Variants in OCA2 observed in about 807,000 individuals in gnomAD.
OCA2 encodes the protein P protein.
Under a neutral mutation model 100.2 loss-of-function variants are expected in OCA2, and 77 were observed. That is an observed-to-expected ratio of 0.77 (90% CI 0.64 to 0.93). OCA2 has a LOEUF of 0.93. Among genes scored for constraint, OCA2 ranks in the 40% least tolerant of loss-of-function variants. OCA2 has a pLI of 0.00. For synonymous variants in OCA2, 432 were observed against 439.2 expected (o/e 0.98, Z 0.21); for missense variants, 1,062 against 1,089.1 (o/e 0.98, Z 0.35).
chr15:27,928,906 A>G (rs2039144160), intron 18 of OCA2, among the ~76,000 whole-genome samples: 1 of 152,198 alleles, frequency 6.6e-6, no homozygotes, highest in Non-Finnish European at 1.5e-5. Flanking sequence ...CCACCTGCAA[A>G]GTTCCTTGGC....
chr15:27,865,228 C>A (rs948651970), intron 21 of OCA2, among the ~76,000 whole-genome samples: 7 of 152,100 alleles, frequency 4.6e-5, no homozygotes, highest in Non-Finnish European at 8.8e-5. Flanking sequence ...CTGAAATGCC[C>A]CACACAGCTC....
intron 23 of OCA2, among the ~76,000 whole-genome samples, chr15:27,800,072 T>C (rs2033530432): frequency 6.6e-6 from 1 of 152,162 alleles, no homozygotes; most frequent in Admixed American, 6.5e-5. Flanking sequence ...TGCCCAAATA[T>C]TTGGAAAGTA....
chr15:27,921,379 TA>T (rs1263811557), intron 19 of OCA2, among the ~76,000 whole-genome samples: 3 of 152,070 alleles, frequency 2.0e-5, no homozygotes, highest in African/African-American at 7.2e-5. Flanking sequence ...AAAGACAAAA[TA>T]AAGGCATTCA....
intron 2 of OCA2, among the ~76,000 whole-genome samples, chr15:28,055,854 C>T (rs1056578470): frequency 6.6e-6 from 1 of 152,224 alleles, no homozygotes; most frequent in Non-Finnish European, 1.5e-5. Context: ...CCCCAGCTGA[C>T]CCCTGCTTCA....
chr15:27,948,632 A>G (rs1022683881), intron 18 of OCA2, among the ~76,000 whole-genome samples: 7 of 151,822 alleles, frequency 4.6e-5, no homozygotes, highest in Admixed American at 1.3e-4. Context: ...CACCCAGCTA[A>G]TTTTTGTATT....
chr15:27,788,470 T>A (rs1035407376), intron 23 of OCA2, among the ~76,000 whole-genome samples: 2 of 152,110 alleles, frequency 1.3e-5, no homozygotes, highest in Admixed American at 1.3e-4. Flanking sequence ...TCTAGTAGTA[T>A]TTTCTGTCTT....
chr15:28,014,571 C>G (rs2141225887), intron 9 of OCA2, among the ~76,000 whole-genome samples: 1 of 152,344 alleles, frequency 6.6e-6, no homozygotes, highest in Middle Eastern at 3.4e-3. Context: ...GTCCATCCTT[C>G]TCATGTCAGT....
At chr15:27,985,450 G>T (rs901671799) in intron 12 of OCA2, among the ~76,000 whole-genome samples, 2 of 152,098 alleles carry the variant, frequency 1.3e-5, no homozygotes, top group African/African-American at 4.8e-5. Flanking sequence ...TGGTTAATTT[G>T]TCACAAGGTG....
chr15:28,087,915 A>C (rs1360088030), intron 1 of OCA2, among the ~76,000 whole-genome samples: 1 of 152,116 alleles, frequency 6.6e-6, no homozygotes, highest in African/African-American at 2.4e-5. Context: ...TACAAAAAAT[A>C]GCCAGGCGTG....
intron 11 of OCA2, among the ~76,000 whole-genome samples, chr15:27,988,331 A>G (rs1230182091): frequency 6.6e-6 from 1 of 151,794 alleles, no homozygotes; most frequent in Non-Finnish European, 1.5e-5. Context: ...CCCAAAATTC[A>G]TATGTTCACC....
intron 19 of OCA2, among the ~76,000 whole-genome samples, chr15:27,901,524 A>G (rs1476988061): frequency 1.3e-5 from 2 of 152,218 alleles, no homozygotes; most frequent in Non-Finnish European, 2.9e-5. Flanking sequence ...TCAGGAGTTC[A>G]GCACACCCAT....
chr15:27,898,189 T>TG (rs1377359257), intron 19 of OCA2, among the ~76,000 whole-genome samples: 1 of 152,190 alleles, frequency 6.6e-6, no homozygotes, highest in Non-Finnish European at 1.5e-5. Flanking sequence ...GTTAAGACTT[T>TG]GGGGAACTGT....
intron 11 of OCA2, among the ~76,000 whole-genome samples, chr15:27,986,987 T>G (rs754940683): frequency 3.4e-4 from 51 of 152,222 alleles, no homozygotes; most frequent in Non-Finnish European, 6.8e-4. Context: ...CGAGGTGGGT[T>G]GCTCACAGCC....
At chr15:27,915,455 T>C (rs2038631367) in intron 19 of OCA2, among the ~76,000 whole-genome samples, 1 of 152,164 alleles carries the variant, frequency 6.6e-6, no homozygotes, top group Non-Finnish European at 1.5e-5. Context: ...TTTTGCACAC[T>C]ATGTATCTGA....
At chr15:27,798,357 T>C (rs2033438530) in intron 23 of OCA2, among the ~76,000 whole-genome samples, 1 of 152,216 alleles carries the variant, frequency 6.6e-6, no homozygotes, top group African/African-American at 2.4e-5. Context: ...TACCAACAAA[T>C]TCTACCGTAG....
At chr15:28,015,240 C>T (rs544618629) in intron 8 of OCA2, among the ~76,000 whole-genome samples, 2 of 152,176 alleles carry the variant, frequency 1.3e-5, no homozygotes, top group Admixed American at 6.5e-5. Flanking sequence ...CCAACATACC[C>T]GACCAGTTTA....
chr15:27,818,216 C>T (rs1260377336), intron 23 of OCA2, among the ~76,000 whole-genome samples: 2 of 152,026 alleles, frequency 1.3e-5, no homozygotes, highest in East Asian at 1.9e-4. Flanking sequence ...ATGGTGAAAC[C>T]CCATCTCTAC....
In OCA2 at chr15:27,851,435, C is replaced by T. The variant is rs1595516437; in HGVS notation, c.2285G>A (p.Gly762Asp). 1 of 1,613,882 alleles carries T rather than the reference C, an allele frequency of 6.2e-7. No homozygotes were observed. Among genetic ancestry groups the T allele is most frequent in the Non-Finnish European group, 8.5e-7 (1 of 1,179,970 alleles). ...ATACATGAGCGGCGGTGCGGGCAGGCCAACCTCAGGGTCGTGGCTCAGGTT... is the reference window on the plus strand; with the variant it reads ...ATACATGAGCGGCGGTGCGGGCAGGTCAACCTCAGGGTCGTGGCTCAGGTT... ...LLNLSHDPEV[G>D]LPAPPLMYAL... The change falls in exon 22 of 24, where the codon GGC becomes GAC. Residue 762 changes from glycine to aspartate, a missense_variant. By Grantham distance (94) the Gly-to-Asp change is moderately conservative. Transcript: ENST00000354638.
chr15:27,821,430 G>A (rs1297911132), intron 23 of OCA2, among the ~76,000 whole-genome samples: 2 of 152,012 alleles, frequency 1.3e-5, no homozygotes, highest in African/African-American at 2.4e-5. Flanking sequence ...ACATATACAC[G>A]TGTGAACATG....
Sources: gnomAD v4.1 joint callset for allele counts (sites outside exome capture counted in the v4.1 genomes callset) on GRCh38, gnomAD v4.1.1 for gene constraint, MANE v1.5 for transcripts, NCBI Gene and HGNC (gene_info 2026-07-23, HGNC 2026-07-21) for gene names.